The following TAL1 variants were observed in gnomAD, a reference collection of about 807,000 sequenced individuals.
TAL1 encodes T-cell acute lymphocytic leukemia protein 1.
Under a neutral mutation model 17.9 loss-of-function variants are expected in TAL1, and 8 were observed. The ratio of observed to expected loss-of-function variants is 0.45; its 90% CI spans 0.26 to 0.81. TAL1 has a LOEUF of 0.81. Ranked by LOEUF, TAL1 falls within the 30% of genes least tolerant of loss-of-function variation. The probability of loss-of-function intolerance (pLI) is 0.17; values close to 1 mark genes in which losing one functional copy is unlikely to be tolerated. For missense variants in TAL1, 466 were observed against 486.9 expected, an observed-to-expected ratio of 0.96 and a Z score of 0.40; for synonymous variants, 223 against 218.6, an observed-to-expected ratio of 1.02 and a Z score of -0.18.
At chr1:47,232,097 G>A (rs545357379), upstream of TAL1, 13 of 229,844 alleles carry the variant, frequency 5.7e-5, 1 homozygote, top group South Asian at 5.5e-4. Context: ...AAAAAGAGGA[G>A]GAAATTGATG....
chr1:47,218,208 T>A (rs1426473325), exon 4 of TAL1: 1 of 234,570 alleles, frequency 4.3e-6, no homozygotes, highest in Non-Finnish European at 8.4e-6. Context: ...AGGGCTAGGG[T>A]GACTTAAGGG....
chr1:47,226,337 T>C (rs1383068785), intron 1 of TAL1: 1 of 158,874 alleles, frequency 6.3e-6, no homozygotes, highest in Non-Finnish European at 1.4e-5. Context: ...TAGCGGGGAA[T>C]CTGTCAGGCA....
chr1:47,221,400 T>C (rs1334629181), intron 3 of TAL1, among the ~76,000 whole-genome samples: 4 of 152,184 alleles, frequency 2.6e-5, no homozygotes, highest in East Asian at 1.9e-4. Context: ...TAAAGACTTA[T>C]GGAGCAGTGG....
At chr1:47,225,784 G>A in exon 2 of TAL1, 1 of 1,560,350 alleles carries the variant, frequency 6.4e-7, no homozygotes, top group Non-Finnish European at 8.6e-7. Context: ...TGGCGACGCC[G>A]TTCAGCAGGA....
At chr1:47,231,603 C>G (rs1644015418), upstream of TAL1, 3 of 233,734 alleles carry the variant, frequency 1.3e-5, no homozygotes, top group Non-Finnish European at 2.5e-5. Context: ...ACACGCCCGA[C>G]ATAACGACGA....
exon 2 of TAL1, chr1:47,225,705 C>T (rs743269): frequency 1.4e-6 from 2 of 1,449,012 alleles, no homozygotes; most frequent in South Asian, 1.4e-5. Context: ...GCAGGGCCGC[C>T]CCCCGGGCCT....
At chr1:47,218,310 C>T in exon 4 of TAL1, 1 of 233,050 alleles carries the variant, frequency 4.3e-6, no homozygotes, top group Non-Finnish European at 8.5e-6. Context: ...AAACCACATC[C>T]CACCATCTGG....
exon 4 of TAL1, chr1:47,219,708 G>A (rs748427265): frequency 6.2e-7 from 1 of 1,607,434 alleles, no homozygotes; most frequent in Admixed American, 1.7e-5. Flanking sequence ...TGATCCTGGT[G>A]GCCCAGACCC....
chr1:47,222,989 C>G (rs1405809784), intron 3 of TAL1, among the ~76,000 whole-genome samples: 1 of 152,134 alleles, frequency 6.6e-6, no homozygotes, highest in Non-Finnish European at 1.5e-5. Context: ...GCCTCTCAGC[C>G]CTGCACACCT....
exon 4 of TAL1, chr1:47,218,484 T>C (rs1645543597): frequency 4.3e-6 from 1 of 232,908 alleles, no homozygotes; most frequent in African/African-American, 2.2e-5. Context: ...TCTATTGCAT[T>C]AAACCAACCT....
chr1:47,224,416 AC>A (rs1335685019), intron 2 of TAL1, among the ~76,000 whole-genome samples: 44 of 152,022 alleles, frequency 2.9e-4, no homozygotes, highest in African/African-American at 1.0e-3. Context: ...ACACACACAC[AC>A]ACACACACAC....
chr1:47,219,555 C>T lies in TAL1; in HGVS notation c.*165G>A, dbSNP rs563581923. ...CCTACTGGTACAGGAAACAGAAAAG[C>T]CAGCCCCAGGGTCAGTAAAGGCTTC... On this transcript the variant is annotated 3_prime_UTR_variant, in exon 4 of 4. Transcript: ENST00000294339. 114 of 1,157,706 alleles carry T rather than the reference C, an allele frequency of 9.8e-5. No homozygotes were observed. The South Asian group carries it at 1.4e-3, about 14-fold the overall frequency. The allele number at this position is 1,157,706 out of a possible 1,614,324, so 71.7% of individuals were successfully genotyped here. A position where few individuals can be genotyped will look rare whatever the true frequency, so the allele number is the denominator to read the frequency against.
At chr1:47,225,959 G>C in intron 1 of TAL1, 70 bp from the exon 3 acceptor site, 1 of 1,481,326 alleles carries the variant, frequency 6.8e-7, no homozygotes, top group South Asian at 1.3e-5. Context: ...ACGTGGGCTG[G>C]GGTAAAGGGG....
exon 4 of TAL1, chr1:47,217,851 C>T (rs2148582657): frequency 5.0e-6 from 2 of 397,958 alleles, no homozygotes; most frequent in East Asian, 7.1e-5. Flanking sequence ...AGATGGGGCT[C>T]CTCACAGGAT....
At position 47,225,560 on chromosome 1, in the gene TAL1, G is replaced by A. The variant is rs996454328; in HGVS notation, c.329C>T (p.Ala110Val). 33 of 1,280,538 alleles carry A rather than the reference G, an allele frequency of 2.6e-5. No individual in the cohort carries two copies. The highest frequency in any genetic ancestry group is 1.7e-4 in the Admixed American group (4 of 23,722). The allele number at this position is 1,280,538 out of a possible 1,614,324, so 79.3% of individuals were successfully genotyped here. Reference sequence around the variant, plus strand: ...CATGCGGCCGTCGCCGGGCAGCTCCGCTGTAACCGAGGCGGGCGCGGGGGC... The same window carrying A: ...CATGCGGCCGTCGCCGGGCAGCTCCACTGTAACCGAGGCGGGCGCGGGGGC... Residue 110 changes from alanine (A) to valine (V), a missense_variant, in exon 2 of 4, where the codon GCG becomes GTG. Ala to Val is a moderately conservative substitution (Grantham distance 64). Transcript: ENST00000294339.
At chr1:47,221,104 G>A (rs1383497546) in intron 3 of TAL1, among the ~76,000 whole-genome samples, 1 of 152,228 alleles carries the variant, frequency 6.6e-6, no homozygotes, top group East Asian at 1.9e-4. Context: ...GACTCCACAG[G>A]GCCTTGCAGT....
At chr1:47,222,175 G>C (rs2148587823) in intron 3 of TAL1, among the ~76,000 whole-genome samples, 1 of 152,362 alleles carries the variant, frequency 6.6e-6, no homozygotes, top group South Asian at 2.1e-4. Flanking sequence ...TCTTGAGGGA[G>C]CTCCTAGTTG....
At chr1:47,221,632 A>G (rs1298243808) in intron 3 of TAL1, among the ~76,000 whole-genome samples, 1 of 152,168 alleles carries the variant, frequency 6.6e-6, no homozygotes, top group Non-Finnish European at 1.5e-5. Context: ...TGCCAGTCCT[A>G]GGATATTTAT....
At chr1:47,226,011 G>A (rs1344856926) in intron 1 of TAL1, 122 bp from the exon 3 acceptor site, 18 of 1,105,450 alleles carry the variant, frequency 1.6e-5, no homozygotes, top group Admixed American at 7.4e-5. Flanking sequence ...GACGTGAGAA[G>A]AGGCAGACAA....
Sources: allele counts gnomAD v4.1 joint callset (sites outside exome capture counted in the v4.1 genomes callset), GRCh38; gene constraint gnomAD v4.1.1; transcripts MANE v1.5; gene names NCBI Gene and HGNC (gene_info 2026-07-23, HGNC 2026-07-21).